SPOPL: variants seen among roughly 807,000 people sequenced by gnomAD.
The protein encoded by SPOPL is speckle-type POZ protein-like.
In SPOPL, 23 loss-of-function variants were observed where a neutral mutation model predicts 53.8. The ratio of observed to expected loss-of-function variants is 0.43; its 90% confidence interval spans 0.31 to 0.61. The LOEUF (loss-of-function observed/expected upper bound fraction) is 0.61. Among genes scored for constraint, SPOPL ranks in the 20% least tolerant of loss-of-function variants. The pLI, the probability that SPOPL is intolerant of heterozygous loss-of-function variation, is 0.12. For missense variants in SPOPL, 442 were observed against 466.9 expected (o/e 0.95, Z 0.49); for synonymous variants, 164 against 149.7 (o/e 1.10, Z -0.70).
In SPOPL at chr2:138,550,241, C is replaced by T; in HGVS notation, c.25C>T (p.Leu9=). The T allele has an allele frequency of 6.2e-7, 1 of 1,613,636 alleles. No individual in the cohort carries two copies. Among genetic ancestry groups the T allele is most frequent in the Non-Finnish European group, 8.5e-7 (1 of 1,179,646 alleles). ...GATGTCTCGGGAACCCACCCCACCT[C>T]TACCTGGAGATATGTCTACTGGTCC... MSREPTPP[L]PGDMSTGPIA... The change falls in exon 2 of 11, where the codon CTA becomes TTA. Residue 9 remains leucine (L), a synonymous_variant. Coordinates refer to ENST00000280098, the MANE Select transcript of SPOPL (RefSeq NM_001001664.3).
At chr2:138,557,810 A>G (rs1685460317) in intron 5 of SPOPL, among the ~76,000 whole-genome samples, 1 of 152,154 alleles carries the variant, frequency 6.6e-6, no homozygotes, top group Non-Finnish European at 1.5e-5. Flanking sequence ...ATTTTTTTAC[A>G]TGTATTAAAT....
chr2:138,518,183 A>C (rs761206461), intron 1 of SPOPL, among the ~76,000 whole-genome samples: 1 of 152,086 alleles, frequency 6.6e-6, no homozygotes, highest in Non-Finnish European at 1.5e-5. Flanking sequence ...AAGTGGCGGA[A>C]GCTTTAATAA....
chr2:138,540,064 G>A (rs527762182), intron 1 of SPOPL, among the ~76,000 whole-genome samples: 6 of 152,192 alleles, frequency 3.9e-5, no homozygotes, highest in Admixed American at 1.3e-4. Context: ...GTAGATACGC[G>A]GCATTCTTTC....
chr2:138,516,570 C>T (rs1212821494), intron 1 of SPOPL, among the ~76,000 whole-genome samples: 1 of 152,148 alleles, frequency 6.6e-6, no homozygotes. Flanking sequence ...AGGGTGCACT[C>T]ATCCAAGGTG....
At chr2:138,549,079 C>T (rs1685257567) in intron 1 of SPOPL, among the ~76,000 whole-genome samples, 1 of 151,938 alleles carries the variant, frequency 6.6e-6, no homozygotes, top group Non-Finnish European at 1.5e-5. Context: ...GTTCAAGTCT[C>T]CTATTTCTTT....
At chr2:138,523,120 C>G (rs772504319) in intron 1 of SPOPL, among the ~76,000 whole-genome samples, 8 of 152,114 alleles carry the variant, frequency 5.3e-5, no homozygotes, top group African/African-American at 1.9e-4. Context: ...TACCTGAGAC[C>G]GGGCAGTTTA....
intron 1 of SPOPL, among the ~76,000 whole-genome samples, chr2:138,515,969 A>G (rs1290584177): frequency 3.2e-4 from 48 of 152,324 alleles, no homozygotes; most frequent in Admixed American, 3.1e-3. Flanking sequence ...TTATTAGCTC[A>G]TCATCAGAAG....
intron 7 of SPOPL, 114 bp downstream of exon 7, chr2:138,559,451 A>G: frequency 9.0e-7 from 1 of 1,116,276 alleles, no homozygotes; most frequent in South Asian, 1.7e-5. Context: ...AAGCAGGGAA[A>G]ATTTTTACAA....
rs915676025 is a variant in SPOPL, at chr2:138,550,397, G to C, written c.79-86G>C. 4 of 1,582,868 alleles carry C rather than the reference G, an allele frequency of 2.5e-6. No homozygotes were observed. In the Admixed American group the frequency reaches 6.7e-5, roughly 27 times the overall value. ...TTTGCCATAGTTATTAGAAGTGTTA[G>C]AAGACTGGATCGTAGGATGTTGAAC... On this transcript the variant is annotated intron_variant, in intron 2 of 10. Transcript: ENST00000280098.
chr2:138,521,889 T>C lies in SPOPL; in HGVS notation c.-61+19770T>C, dbSNP rs111888134. On this transcript the variant is annotated intron_variant, in intron 1 of 10. Transcript: ENST00000280098. ...TAGTACCCAAGTAAAATGGAAGACTTATTCAGAGATGGAGGACAAATGAAC... is the reference window on the plus strand; with the variant it reads ...TAGTACCCAAGTAAAATGGAAGACTCATTCAGAGATGGAGGACAAATGAAC... Among the ~76,000 whole-genome samples the C allele has an allele frequency of 2.9e-3, 438 of 152,260 alleles. 2 individuals carry two copies. The highest frequency in any genetic ancestry group is 2.9e-3 in the South Asian group (14 of 4,828).
At chr2:138,505,083 A>G (rs1684186145) in intron 1 of SPOPL, among the ~76,000 whole-genome samples, 1 of 149,020 alleles carries the variant, frequency 6.7e-6, no homozygotes, top group Non-Finnish European at 1.5e-5. Context: ...TTGTTGATTT[A>G]CTTTAGAGAA....
intron 8 of SPOPL, among the ~76,000 whole-genome samples, chr2:138,561,323 T>C (rs1420296035): frequency 6.6e-6 from 1 of 152,188 alleles, no homozygotes; most frequent in African/African-American, 2.4e-5. Context: ...CACATAGAGA[T>C]TGTTTTTTTA....
At chr2:138,520,845 A>G (rs1684541500) in intron 1 of SPOPL, among the ~76,000 whole-genome samples, 1 of 152,196 alleles carries the variant, frequency 6.6e-6, no homozygotes, top group Non-Finnish European at 1.5e-5. Context: ...TTATAACTGT[A>G]GTTATAAACT....
intron 1 of SPOPL, among the ~76,000 whole-genome samples, chr2:138,520,369 T>C (rs1043798851): frequency 3.9e-5 from 6 of 152,212 alleles, no homozygotes; most frequent in Non-Finnish European, 7.3e-5. Context: ...GATGATCCTG[T>C]TCCTTTTATC....
At chr2:138,503,515 A>G (rs1684150419) in intron 1 of SPOPL, among the ~76,000 whole-genome samples, 1 of 152,314 alleles carries the variant, frequency 6.6e-6, no homozygotes, top group Middle Eastern at 3.4e-3. Context: ...CTACTTTCTT[A>G]TTCTTTGACA....
intron 10 of SPOPL, among the ~76,000 whole-genome samples, chr2:138,566,677 G>A (rs187112494): frequency 7.4e-4 from 113 of 152,218 alleles, no homozygotes; most frequent in Admixed American, 1.7e-3. Context: ...CTACTATTTA[G>A]TTCAGCAGAC....
chr2:138,505,594 T>TAAAAAAAAAAAAA (rs1169614974), intron 1 of SPOPL, among the ~76,000 whole-genome samples: 1 of 75,086 alleles, frequency 1.3e-5, no homozygotes, highest in African/African-American at 7.0e-5. Context: ...GTGTCTCTTC[T>TAAAAAAAAAAAAA]AAAAAAAAAA....
intron 1 of SPOPL, among the ~76,000 whole-genome samples, chr2:138,541,228 G>A (rs1326278299): frequency 3.3e-5 from 5 of 152,112 alleles, no homozygotes; most frequent in African/African-American, 9.7e-5. Context: ...TCTCTGCCAG[G>A]CTTTGGTATC....
chr2:138,559,503 C>T (rs142746782), intron 7 of SPOPL, among the ~76,000 whole-genome samples, 166 bp downstream of exon 7: 87 of 152,180 alleles, frequency 5.7e-4, no homozygotes, highest in African/African-American at 1.6e-3. Context: ...ATAGATGTAG[C>T]TCAGTGTGGA....
Sources: gnomAD v4.1 joint callset for allele counts (sites outside exome capture counted in the v4.1 genomes callset) on GRCh38, gnomAD v4.1.1 for gene constraint, MANE v1.5 for transcripts, NCBI Gene and HGNC (gene_info 2026-07-23, HGNC 2026-07-21) for gene names.